The following SHC4 variants were observed in gnomAD, a reference collection of about 807,000 sequenced individuals.
SHC4 encodes SHC-transforming protein 4.
Under a neutral mutation model 69.4 loss-of-function variants are expected in SHC4, and 41 were observed. The ratio of observed to expected loss-of-function variants is 0.59; its 90% CI spans 0.46 to 0.77. SHC4 has a LOEUF of 0.77. Among genes scored for constraint, SHC4 ranks in the 30% least tolerant of loss-of-function variants. The pLI is 0.00. For synonymous variants in SHC4, 318 were observed against 299.3 expected (o/e 1.06, Z -0.64); for missense variants, 777 against 783.8 (o/e 0.99, Z 0.10).
At chr15:48,935,726 G>A (rs1457318892) in intron 1 of SHC4, among the ~76,000 whole-genome samples, 1 of 152,030 alleles carries the variant, frequency 6.6e-6, no homozygotes, top group African/African-American at 2.4e-5. Flanking sequence ...AGCGGGAGTA[G>A]GGCATCTCCT....
intron 8 of SHC4, 111 bp from the exon 9 acceptor site, chr15:48,851,359 C>T: frequency 9.9e-7 from 1 of 1,014,852 alleles, no homozygotes; most frequent in Non-Finnish European, 1.5e-6. Flanking sequence ...CACTTTCTGA[C>T]ACAGGAAATG....
At chr15:48,900,364 G>A (rs191862296) in intron 2 of SHC4, among the ~76,000 whole-genome samples, 9 of 152,140 alleles carry the variant, frequency 5.9e-5, no homozygotes, top group Non-Finnish European at 1.0e-4. Context: ...AAAAGTAGCC[G>A]GAAGTGGTGG....
At chr15:48,828,653 C>A (rs908273767) in intron 11 of SHC4, among the ~76,000 whole-genome samples, 1 of 152,220 alleles carries the variant, frequency 6.6e-6, no homozygotes, top group South Asian at 2.1e-4. Context: ...CATATCCTTG[C>A]GAACACCTGT....
intron 1 of SHC4, among the ~76,000 whole-genome samples, chr15:48,956,467 C>A (rs980857467): frequency 6.6e-6 from 1 of 152,180 alleles, no homozygotes; most frequent in Non-Finnish European, 1.5e-5. Context: ...ATTTCTGTCA[C>A]TTCTGCAGTC....
At chr15:48,954,871 A>G (rs1473501154) in intron 1 of SHC4, among the ~76,000 whole-genome samples, 1 of 152,096 alleles carries the variant, frequency 6.6e-6, no homozygotes, top group East Asian at 1.9e-4. Context: ...ACAGTTTGTT[A>G]TTTTATCCTG....
At chr15:48,887,922 G>A (rs1325676447) in intron 3 of SHC4, among the ~76,000 whole-genome samples, 1 of 152,146 alleles carries the variant, frequency 6.6e-6, no homozygotes, top group African/African-American at 2.4e-5. Flanking sequence ...CAAATTCCTA[G>A]AATACCTATC....
chr15:48,879,805 A>G (rs954067190), intron 4 of SHC4: 1 of 167,010 alleles, frequency 6.0e-6, no homozygotes, highest in Admixed American at 6.5e-5. Flanking sequence ...TGTTCTGTGT[A>G]TTTTGTTTGG....
chr15:48,887,533 G>T (rs1360282590), intron 3 of SHC4, among the ~76,000 whole-genome samples: 6 of 151,988 alleles, frequency 3.9e-5, no homozygotes, highest in Non-Finnish European at 8.8e-5. Context: ...AAAAATCATA[G>T]ATATAAACAC....
intron 10 of SHC4, among the ~76,000 whole-genome samples, chr15:48,842,527 A>C (rs1899010534): frequency 6.6e-6 from 1 of 152,242 alleles, no homozygotes; most frequent in South Asian, 2.1e-4. Flanking sequence ...GATATTAACT[A>C]TGGTGAAGGA....
chr15:48,857,425 CAG>C (rs1486067722), intron 7 of SHC4, among the ~76,000 whole-genome samples: 2 of 151,966 alleles, frequency 1.3e-5, no homozygotes, highest in African/African-American at 4.8e-5. Flanking sequence ...GCTAGAATAA[CAG>C]AGATAATCTA....
At chr15:48,878,191 T>C (rs745818264) in intron 4 of SHC4, 1 of 1,560,478 alleles carries the variant, frequency 6.4e-7, no homozygotes, top group South Asian at 1.2e-5. Flanking sequence ...CGGAAATGGC[T>C]GAGTTGTCCG....
chr15:48,943,526 T>C (rs117338080), intron 1 of SHC4, among the ~76,000 whole-genome samples: 1,771 of 152,296 alleles, frequency 0.012, 45 homozygotes, highest in East Asian at 0.1. Flanking sequence ...GTTGTTTCCA[T>C]ATCTTGACTA....
intron 9 of SHC4, among the ~76,000 whole-genome samples, chr15:48,850,355 T>TA (rs1015212290): frequency 8.5e-5 from 13 of 152,066 alleles, no homozygotes; most frequent in African/African-American, 2.2e-4. Context: ...CTTCACTATA[T>TA]AAAAAATAAT....
Position 48,952,368 on chromosome 15 carries a change from T to C in SHC4, c.585+10063A>G. Among the ~76,000 whole-genome samples the C allele has an allele frequency of 1.3e-5, 2 of 152,198 alleles. 1 individual carries two copies. The highest frequency in any genetic ancestry group is 3.8e-4 in the East Asian group (2 of 5,196). ...AGGCTCTGCTCTTAAAATTTACTTG[T>C]AAATTAGTTGTTAAAAATCTTAATG... On this transcript the variant is annotated intron_variant, in intron 1 of 11. Coordinates refer to ENST00000332408, the MANE Select transcript of SHC4 (RefSeq NM_203349.4).
intron 2 of SHC4, among the ~76,000 whole-genome samples, chr15:48,901,640 G>A (rs960805325): frequency 6.6e-6 from 1 of 152,160 alleles, no homozygotes; most frequent in Non-Finnish European, 1.5e-5. Flanking sequence ...TATAGTAACT[G>A]TTAAAATTTG....
At chr15:48,893,130 G>A (rs1219328542) in intron 2 of SHC4, among the ~76,000 whole-genome samples, 1 of 152,146 alleles carries the variant, frequency 6.6e-6, no homozygotes, top group Non-Finnish European at 1.5e-5. Context: ...AATTGAAGCT[G>A]AAGGGAATAC....
rs1333769684 is a variant in SHC4 at position 48,962,611 on chromosome 15, G to A, written c.405C>T (p.Thr135=). ...PGSSGPSSPE[T]SLSRSGTAPP... ...GTGCAGTCCCGGACCTACTTAAACT[G>A]GTTTCTGGGGAAGAGGGGCCGCTGG... The change falls in exon 1 of 12, where the codon ACC becomes ACT. Residue 135 remains threonine (T), a synonymous_variant. Coordinates refer to ENST00000332408, the MANE Select transcript of SHC4 (RefSeq NM_203349.4). 6.2e-7 allele frequency: 1 copy of A among 1,613,950 alleles called. No homozygotes were observed. Among genetic ancestry groups the A allele is most frequent in the Non-Finnish European group, 8.5e-7 (1 of 1,179,974 alleles).
At chr15:48,890,889 T>C in intron 2 of SHC4, 78 bp from the exon 3 acceptor site, 1 of 1,485,450 alleles carries the variant, frequency 6.7e-7, no homozygotes, top group Non-Finnish European at 9.4e-7. Context: ...TGTTAGAAAT[T>C]ATCACGACCA....
chr15:48,898,420 C>A (rs1900261936), intron 2 of SHC4, among the ~76,000 whole-genome samples: 1 of 152,194 alleles, frequency 6.6e-6, no homozygotes, highest in African/African-American at 2.4e-5. Flanking sequence ...TAGAAACAGG[C>A]ACCTCGGGTC....
Sources: gnomAD v4.1 joint callset for allele counts (sites outside exome capture counted in the v4.1 genomes callset) on GRCh38, gnomAD v4.1.1 for gene constraint, MANE v1.5 for transcripts, NCBI Gene and HGNC (gene_info 2026-07-23, HGNC 2026-07-21) for gene names.